HRH1: variants seen among roughly 807,000 people sequenced by gnomAD.
HRH1 encodes the protein histamine receptor H1.
A neutral mutation model predicts 10.3 loss-of-function variants in HRH1; 6 were observed. The ratio of observed to expected loss-of-function variants is 0.58; its 90% CI spans 0.32 to 1.15. The LOEUF (loss-of-function observed/expected upper bound fraction) is 1.15, where lower values mean the gene tolerates loss of function less well. Ranked by LOEUF, HRH1 falls within the 50% of genes most tolerant of loss-of-function variation. The pLI is 0.05. For missense variants in HRH1, 514 were observed against 615.3 expected (o/e 0.84, Z 1.74); for synonymous variants, 242 against 236.7 (o/e 1.02, Z -0.21).
intron 1 of HRH1, among the ~76,000 whole-genome samples, chr3:11,158,301 A>T (rs1936857251): frequency 6.6e-6 from 1 of 152,238 alleles, no homozygotes. Context: ...AGTTGTAAGA[A>T]TCTCCTGTAT....
rs1939978821 is a variant in HRH1 at position 11,262,397 on chromosome 3, CTT to C, written c.*1898_*1899del. 1 of 167,056 alleles carries C rather than the reference CTT, an allele frequency of 6.0e-6. No individual in the cohort carries two copies. Among genetic ancestry groups the C allele is most frequent in the African/African-American group, 2.4e-5 (1 of 41,452 alleles). 10.3% of individuals were successfully genotyped at this position (167,056 alleles called of 1,614,324 possible). On this transcript the variant is annotated 3_prime_UTR_variant, in exon 2 of 2. Coordinates refer to ENST00000431010, the MANE Select transcript of HRH1 (RefSeq NM_001098212.2). ...TAACAGAGTTTGATATGGGCTTTCT[CTT>C]TGGTTTCTCATCACATTTGTAAATG...
intron 1 of HRH1, among the ~76,000 whole-genome samples, chr3:11,169,027 G>A (rs1295256436): frequency 1.3e-5 from 2 of 152,214 alleles, no homozygotes; most frequent in Non-Finnish European, 2.9e-5. Flanking sequence ...CTGAGCTCTC[G>A]CCTGAACAGC....
intron 1 of HRH1, among the ~76,000 whole-genome samples, chr3:11,171,315 C>T (rs58552744): frequency 0.02 from 3,048 of 152,110 alleles, 106 homozygotes; most frequent in African/African-American, 0.068. Context: ...AAGGTTTCAC[C>T]GCATTGGCCA....
chr3:11,169,041 C>T (rs575360330), intron 1 of HRH1, among the ~76,000 whole-genome samples: 1 of 152,220 alleles, frequency 6.6e-6, no homozygotes, highest in African/African-American at 2.4e-5. Context: ...GAACAGCTGA[C>T]CCCTAGCCAC....
At chr3:11,198,960 A>G (rs1937791068) in intron 1 of HRH1, among the ~76,000 whole-genome samples, 1 of 149,424 alleles carries the variant, frequency 6.7e-6, no homozygotes, top group Non-Finnish European at 1.5e-5. Context: ...GTCTCACTCC[A>G]TCAGTCAGGC....
In HRH1 at chr3:11,263,422, C is replaced by T. The variant is rs973736295; in HGVS notation, c.*2921C>T. 2 of 167,104 alleles carry T rather than the reference C, an allele frequency of 1.2e-5. No homozygotes were observed. Among genetic ancestry groups the T allele is most frequent in the African/African-American group, 4.8e-5 (2 of 41,462 alleles). The allele number at this position is 167,104 out of a possible 1,614,324, so 10.4% of individuals were successfully genotyped here. A position where few individuals can be genotyped will look rare whatever the true frequency, so the allele number is the denominator to read the frequency against. On this transcript the variant is annotated 3_prime_UTR_variant, in exon 2 of 2. Coordinates refer to ENST00000431010, the MANE Select transcript of HRH1 (RefSeq NM_001098212.2). The stretch of plus-strand genomic sequence containing the variant: ...ATGCTGTTGGCAAGGCATGGTGGCT[C>T]ATGCCTGTAATCCCAGCACACTGGG...
At chr3:11,178,695 G>A (rs1187936018) in intron 1 of HRH1, among the ~76,000 whole-genome samples, 2 of 152,138 alleles carry the variant, frequency 1.3e-5, no homozygotes, top group Non-Finnish European at 2.9e-5. Flanking sequence ...ACTCCAAGGT[G>A]TGAGTTACAC....
chr3:11,209,919 T>G (rs1938266697), intron 1 of HRH1, among the ~76,000 whole-genome samples: 1 of 152,218 alleles, frequency 6.6e-6, no homozygotes, highest in South Asian at 2.1e-4. Context: ...CTTCTGGCAT[T>G]AGGGACCTTG....
chr3:11,174,122 AG>A (rs1229528503), intron 1 of HRH1, among the ~76,000 whole-genome samples: 1 of 152,236 alleles, frequency 6.6e-6, no homozygotes, highest in Non-Finnish European at 1.5e-5. Context: ...ACAACCTCCA[AG>A]GCCCAAAATC....
At chr3:11,207,293 G>C (rs184396400) in intron 1 of HRH1, among the ~76,000 whole-genome samples, 1 of 152,032 alleles carries the variant, frequency 6.6e-6, no homozygotes, top group Non-Finnish European at 1.5e-5. Context: ...GGCTGGGCAC[G>C]GTGTCCCACG....
chr3:11,190,549 G>A (rs1157948452), intron 1 of HRH1, among the ~76,000 whole-genome samples: 2 of 151,674 alleles, frequency 1.3e-5, no homozygotes, highest in African/African-American at 4.8e-5. Flanking sequence ...TGCTGCCATG[G>A]CCAGCTAATT....
chr3:11,220,240 C>T (rs987504112), intron 1 of HRH1, among the ~76,000 whole-genome samples: 12 of 152,140 alleles, frequency 7.9e-5, no homozygotes, highest in African/African-American at 2.4e-4. Context: ...TTAGTTGTTT[C>T]GTTCCAAAAA....
At chr3:11,257,046 A>G (rs1410730014) in intron 1 of HRH1, among the ~76,000 whole-genome samples, 4 of 151,790 alleles carry the variant, frequency 2.6e-5, no homozygotes, top group Non-Finnish European at 5.9e-5. Flanking sequence ...TGAGGTCAGG[A>G]GTTCAAGATC....
intron 1 of HRH1, among the ~76,000 whole-genome samples, chr3:11,145,566 G>T (rs2124995313): frequency 6.6e-6 from 1 of 152,196 alleles, no homozygotes; most frequent in East Asian, 1.9e-4. Context: ...GTTTGCCTCT[G>T]TGTTTTTTTA....
At chr3:11,235,840 G>T (rs1028249738) in intron 1 of HRH1, among the ~76,000 whole-genome samples, 1 of 152,216 alleles carries the variant, frequency 6.6e-6, no homozygotes, top group East Asian at 1.9e-4. Context: ...TTTCTACTTT[G>T]CTAGGCAGCC....
At chr3:11,167,808 C>A (rs1056679035) in intron 1 of HRH1, among the ~76,000 whole-genome samples, 1 of 152,238 alleles carries the variant, frequency 6.6e-6, no homozygotes, top group Non-Finnish European at 1.5e-5. Flanking sequence ...GTGCTCAGCT[C>A]TCCTGAGAGG....
chr3:11,199,092 T>C (rs940065452), intron 1 of HRH1, among the ~76,000 whole-genome samples: 1 of 151,916 alleles, frequency 6.6e-6, no homozygotes, highest in African/African-American at 2.4e-5. Flanking sequence ...TGTGGCTAAT[T>C]TTTATATTTT....
intron 1 of HRH1, among the ~76,000 whole-genome samples, chr3:11,169,284 A>C (rs1937108447): frequency 6.6e-6 from 1 of 152,032 alleles, no homozygotes; most frequent in African/African-American, 2.4e-5. Flanking sequence ...TGGGTGTTTA[A>C]CAGATAGGAG....
chr3:11,260,432 C>T lies in HRH1; in HGVS notation c.1395C>T (p.Pro465=). The stretch of plus-strand genomic sequence containing the variant: ...GCTACATCAACTCCACACTGAACCC[C>T]CTCATCTACCCCTTGTGCAATGAGA... ...WLGYINSTLN[P]LIYPLCNENF... is the part of the protein sequence containing the mutation. Residue 465 remains proline, a synonymous_variant, in exon 2 of 2, where the codon CCC becomes CCT. Coordinates refer to ENST00000431010, the MANE Select transcript of HRH1 (RefSeq NM_001098212.2). 1 of 1,613,772 alleles carries T rather than the reference C, an allele frequency of 6.2e-7. No individual in the cohort carries two copies. The highest frequency in any genetic ancestry group is 8.5e-7 in the Non-Finnish European group (1 of 1,179,788).
Sources: gnomAD v4.1 joint callset for allele counts (sites outside exome capture counted in the v4.1 genomes callset) on GRCh38, gnomAD v4.1.1 for gene constraint, MANE v1.5 for transcripts, NCBI Gene and HGNC (gene_info 2026-07-23, HGNC 2026-07-21) for gene names.